IFT88: variants seen among roughly 807,000 people sequenced by gnomAD.
The protein encoded by IFT88 is intraflagellar transport protein 88 homolog.
In IFT88, 74 loss-of-function variants were observed where a neutral mutation model predicts 119.5. The ratio of observed to expected loss-of-function variants is 0.62; its 90% CI spans 0.51 to 0.75. IFT88 has a LOEUF of 0.75. IFT88 is among the 30% of genes least tolerant of loss of function. The probability of loss-of-function intolerance (pLI) is 0.00; values close to 1 mark genes in which losing one functional copy is unlikely to be tolerated. For synonymous variants in IFT88, 279 were observed against 316.7 expected, an observed-to-expected ratio of 0.88 and a Z score of 1.26; for missense variants, 961 against 977.7, an observed-to-expected ratio of 0.98 and a Z score of 0.23.
Position 20,592,341 on chromosome 13 carries a change from C to G in IFT88, c.335C>G (p.Ala112Gly). ...CTCTTGAATTGTGTCTCAGGCTCTG[C>G]ATTTGACCCCCTTAGTCAGTCAAGG... Reference protein sequence around the residue: ...GFTKAALRGSAFDPLSQSRGP... With the variant: ...GFTKAALRGSGFDPLSQSRGP... Residue 112 changes from alanine to glycine, a missense_variant, in exon 7 of 26, where the codon GCA becomes GGA. Physicochemically the swap from Ala to Gly is moderately conservative, Grantham distance 60. Coordinates refer to ENST00000351808, the MANE Select transcript of IFT88 (RefSeq NM_006531.5). 6.2e-7 allele frequency: 1 copy of G among 1,609,532 alleles called. No homozygotes were observed. Among genetic ancestry groups the G allele is most frequent in the African/African-American group, 1.3e-5 (1 of 74,754 alleles).
At chr13:20,617,363 C>T (rs1001023408) in intron 14 of IFT88, among the ~76,000 whole-genome samples, 1 of 152,040 alleles carries the variant, frequency 6.6e-6, no homozygotes, top group Non-Finnish European at 1.5e-5. Context: ...AGTTGGCCCC[C>T]ACACGCTGCT....
chr13:20,620,724 C>T (rs1232511052), intron 14 of IFT88, among the ~76,000 whole-genome samples: 1 of 152,078 alleles, frequency 6.6e-6, no homozygotes, highest in Non-Finnish European at 1.5e-5. Context: ...TGCCACCACG[C>T]CTGGCTAATT....
rs769854194 is a variant in IFT88 at position 20,691,170 on chromosome 13, G to C, written c.2470G>C (p.Glu824Gln). 2 of 1,612,414 alleles carry C rather than the reference G, an allele frequency of 1.2e-6. No individual in the cohort carries two copies. The highest frequency in any genetic ancestry group is 3.3e-5 in the Admixed American group (2 of 59,886). ...AGAATTAGGAGATGATTTGCTTCCA[G>C]AATAATATTCACTTTAATATTTATT... ...DEELGDDLLP[E>Q] is the part of the protein sequence containing the mutation. Residue 824 changes from glutamate (E) to glutamine (Q), a missense_variant, in exon 26 of 26, where the codon GAA becomes CAA. Coordinates refer to ENST00000351808, the MANE Select transcript of IFT88 (RefSeq NM_006531.5).
At chr13:20,569,427 G>T (rs1228006038) in intron 1 of IFT88, among the ~76,000 whole-genome samples, 1 of 150,890 alleles carries the variant, frequency 6.6e-6, no homozygotes, top group Non-Finnish European at 1.5e-5. Flanking sequence ...CAAAAAATTA[G>T]CCGGGCGTGG....
At chr13:20,669,843 C>T (rs557836838) in intron 23 of IFT88, among the ~76,000 whole-genome samples, 2 of 152,110 alleles carry the variant, frequency 1.3e-5, no homozygotes, top group African/African-American at 4.8e-5. Flanking sequence ...TTTGCTACAT[C>T]TTTTTAAGAT....
intron 21 of IFT88, among the ~76,000 whole-genome samples, chr13:20,654,772 A>G (rs1385471560): frequency 6.6e-6 from 1 of 152,218 alleles, no homozygotes; most frequent in Admixed American, 6.5e-5. Flanking sequence ...CAACATGACT[A>G]TACTATATAC....
In IFT88 at chr13:20,601,913, G is replaced by T. The variant is rs773406317; in HGVS notation, c.1021G>T (p.Asp341Tyr). The change falls in exon 12 of 26, where the codon GAT (aspartate) becomes TAT (tyrosine). Residue 341 changes from aspartate to tyrosine, a missense_variant. Physicochemically the swap from Asp to Tyr is radical, Grantham distance 160. Coordinates refer to ENST00000351808, the MANE Select transcript of IFT88 (RefSeq NM_006531.5). ...TACTGTTCCATTAGAAATTGATGAA[G>T]ATAAATATATTTCACCAAGTGTGAG... is the stretch of plus-strand genomic sequence containing the variant. ...LITVPLEIDE[D>Y]KYISPSDDPH... The T allele has an allele frequency of 4.4e-6, 7 of 1,577,768 alleles. No individual in the cohort carries two copies. Among genetic ancestry groups the T allele is most frequent in the Non-Finnish European group, 6.1e-6 (7 of 1,147,142 alleles).
intron 3 of IFT88, among the ~76,000 whole-genome samples, chr13:20,586,503 A>C (rs2039685303): frequency 6.6e-6 from 1 of 151,014 alleles, no homozygotes; most frequent in Non-Finnish European, 1.5e-5. Flanking sequence ...TTAAGAGTTG[A>C]TTATTACGGG....
intron 24 of IFT88, among the ~76,000 whole-genome samples, chr13:20,680,366 C>T (rs765557377): frequency 6.6e-6 from 1 of 152,320 alleles, no homozygotes; most frequent in Non-Finnish European, 1.5e-5. Context: ...ATCTATAGAA[C>T]TAGGCATCTA....
At chr13:20,594,900 G>C (rs566571761) in intron 7 of IFT88, among the ~76,000 whole-genome samples, 7 of 152,242 alleles carry the variant, frequency 4.6e-5, no homozygotes, top group African/African-American at 1.2e-4. Flanking sequence ...CATTTGTAGA[G>C]AATTAAGAGA....
chr13:20,627,932 G>C (rs1453000200), intron 15 of IFT88, among the ~76,000 whole-genome samples: 1 of 151,636 alleles, frequency 6.6e-6, no homozygotes, highest in East Asian at 1.9e-4. Flanking sequence ...AATATCAATT[G>C]GTTTACTGAT....
chr13:20,624,955 C>T (rs1186490384), intron 14 of IFT88, among the ~76,000 whole-genome samples: 2 of 152,014 alleles, frequency 1.3e-5, no homozygotes, highest in Non-Finnish European at 2.9e-5. Context: ...TATTATTAAC[C>T]ATAATTCCCT....
chr13:20,588,868 C>T (rs2040189490), intron 3 of IFT88, among the ~76,000 whole-genome samples: 1 of 152,120 alleles, frequency 6.6e-6, no homozygotes, highest in African/African-American at 2.4e-5. Flanking sequence ...CTATTATTTA[C>T]CTTTTAGTCT....
At chr13:20,634,130 G>A (rs1386301436) in intron 16 of IFT88, among the ~76,000 whole-genome samples, 5 of 152,128 alleles carry the variant, frequency 3.3e-5, no homozygotes, top group Non-Finnish European at 1.5e-5. Flanking sequence ...GGTGGGACTG[G>A]GTTCCATGAG....
rs557424221 is a variant in IFT88 at position 20,644,104 on chromosome 13, C to T, written c.1833+499C>T. Among the ~76,000 whole-genome samples, 18 of 152,226 alleles carry T rather than the reference C, an allele frequency of 1.2e-4. No individual in the cohort carries two copies. In the South Asian group the frequency reaches 3.3e-3, roughly 28 times the overall value. ...AAATAGGGCTGGGCATGGTGGCTCA[C>T]GTCTATAATCCCAGCACTTTGGGAG... On this transcript the variant is annotated intron_variant, in intron 19 of 25. Coordinates refer to ENST00000351808, the MANE Select transcript of IFT88 (RefSeq NM_006531.5).
chr13:20,623,090 C>T (rs1206918500), intron 14 of IFT88, among the ~76,000 whole-genome samples: 2 of 152,162 alleles, frequency 1.3e-5, no homozygotes, highest in African/African-American at 4.8e-5. Context: ...CACTGAATAG[C>T]GTTGGCATCC....
chr13:20,607,870 G>A, intron 13 of IFT88: 1 of 714,944 alleles, frequency 1.4e-6, no homozygotes. Flanking sequence ...GCCCAACCCA[G>A]TCACCAGCAC....
chr13:20,597,549 C>T (rs2041880394), intron 9 of IFT88, among the ~76,000 whole-genome samples: 1 of 151,922 alleles, frequency 6.6e-6, no homozygotes, highest in Non-Finnish European at 1.5e-5. Context: ...TCGAGACCAT[C>T]CTGGCTAACA....
At chr13:20,612,708 G>A (rs1012929551) in intron 13 of IFT88, among the ~76,000 whole-genome samples, 42 of 152,050 alleles carry the variant, frequency 2.8e-4, no homozygotes, top group African/African-American at 8.9e-4. Context: ...AGCAAAGTTG[G>A]GACTCAAACT....
Sources: allele counts gnomAD v4.1 joint callset (sites outside exome capture counted in the v4.1 genomes callset), GRCh38; gene constraint gnomAD v4.1.1; transcripts MANE v1.5; gene names NCBI Gene and HGNC (gene_info 2026-07-23, HGNC 2026-07-21).